NRG3: variants seen among roughly 807,000 people sequenced by gnomAD.
The protein encoded by NRG3 is pro-neuregulin-3, membrane-bound isoform.
In NRG3, 31 loss-of-function variants were observed where a neutral mutation model predicts 66.9. The observed-to-expected ratio is 0.46, with a 90% CI of 0.35 to 0.63. The LOEUF (loss-of-function observed/expected upper bound fraction) is 0.63, where lower values mean the gene tolerates loss of function less well. NRG3 is among the 20% of genes least tolerant of loss of function. The pLI, the probability that NRG3 is intolerant of heterozygous loss-of-function variation, is 0.00. For missense variants in NRG3, 910 were observed against 878.9 expected (o/e 1.04, Z -0.45); for synonymous variants, 393 against 359.4 (o/e 1.09, Z -1.06).
chr10:82,783,466 T>C (rs1314136424), intron 3 of NRG3, among the ~76,000 whole-genome samples: 4 of 151,732 alleles, frequency 2.6e-5, no homozygotes, highest in Non-Finnish European at 5.9e-5. Flanking sequence ...CCCCATTGTC[T>C]CAGCCCAAAA....
chr10:82,669,027 CT>C (rs2053032061), intron 2 of NRG3, among the ~76,000 whole-genome samples: 1 of 152,056 alleles, frequency 6.6e-6, no homozygotes. Context: ...TCTCCTCGTT[CT>C]TCTTTATTTT....
chr10:82,455,922 T>G (rs992500147), intron 2 of NRG3, among the ~76,000 whole-genome samples: 1 of 152,088 alleles, frequency 6.6e-6, no homozygotes, highest in East Asian at 1.9e-4. Flanking sequence ...CTGGCTAGAT[T>G]ACACTAAACT....
At chr10:82,304,462 TTC>T (rs2080593112) in intron 1 of NRG3, among the ~76,000 whole-genome samples, 1 of 152,204 alleles carries the variant, frequency 6.6e-6, no homozygotes, top group African/African-American at 2.4e-5. Context: ...ACTTGCAGGG[TTC>T]TTTTTCCACT....
intron 2 of NRG3, among the ~76,000 whole-genome samples, chr10:82,611,902 A>C (rs1418323943): frequency 2.0e-5 from 3 of 152,164 alleles, no homozygotes; most frequent in Non-Finnish European, 4.4e-5. Flanking sequence ...GAAAGCGTTC[A>C]TATTTCTCCA....
chr10:82,264,650 G>T (rs2078208052), intron 1 of NRG3, among the ~76,000 whole-genome samples: 1 of 152,186 alleles, frequency 6.6e-6, no homozygotes, highest in Non-Finnish European at 1.5e-5. Flanking sequence ...GGAAAAGGAA[G>T]ATTTAACAAT....
chr10:82,135,846 T>TA (rs1005131730), intron 1 of NRG3, among the ~76,000 whole-genome samples: 1 of 152,164 alleles, frequency 6.6e-6, no homozygotes, highest in African/African-American at 2.4e-5. Context: ...ACTGGTGCCT[T>TA]ATTTGGTTTG....
intron 2 of NRG3, among the ~76,000 whole-genome samples, chr10:82,443,519 TA>T (rs2090553789): frequency 6.6e-6 from 1 of 152,188 alleles, no homozygotes. Context: ...TCAATCCTTT[TA>T]CAACCATTTT....
chr10:82,182,154 G>C (rs1465633307), intron 1 of NRG3, among the ~76,000 whole-genome samples: 1 of 150,406 alleles, frequency 6.6e-6, no homozygotes, highest in Admixed American at 6.7e-5. Flanking sequence ...AATCTGTATA[G>C]TCTTTTGTAG....
At chr10:82,134,830 A>G (rs191413227) in intron 1 of NRG3, among the ~76,000 whole-genome samples, 5 of 152,198 alleles carry the variant, frequency 3.3e-5, no homozygotes, top group Admixed American at 6.5e-5. Context: ...TTAAATTTAT[A>G]TAAAAATTTC....
At chr10:82,078,323 T>G (rs7088269) in intron 1 of NRG3, among the ~76,000 whole-genome samples, 2 of 151,870 alleles carry the variant, frequency 1.3e-5, no homozygotes, top group Non-Finnish European at 2.9e-5. Flanking sequence ...CTCACTGCTC[T>G]TTGTGGAGAG....
At chr10:82,155,575 G>C (rs1054481791) in intron 1 of NRG3, among the ~76,000 whole-genome samples, 2 of 151,578 alleles carry the variant, frequency 1.3e-5, no homozygotes, top group African/African-American at 4.8e-5. Flanking sequence ...TAATAAAAAG[G>C]GTATGGCTTA....
chr10:82,976,802 A>G (rs1007012050), intron 7 of NRG3, among the ~76,000 whole-genome samples: 5 of 151,924 alleles, frequency 3.3e-5, no homozygotes, highest in Non-Finnish European at 7.4e-5. Context: ...CCTTCCTTAT[A>G]TCCCTTTTCT....
At position 81,875,277 on chromosome 10, in the gene NRG3, C is replaced by CCCGGT; in HGVS notation, c.-61_-60insGTCCG. 1 of 971,382 alleles carries CCCGGT rather than the reference C, an allele frequency of 1.0e-6. No individual in the cohort carries two copies. Among genetic ancestry groups the CCCGGT allele is most frequent in the Non-Finnish European group, 1.2e-6 (1 of 819,646 alleles). 60.2% of individuals were successfully genotyped at this position (971,382 alleles called of 1,614,324 possible). ...AGCCCGCGCCCGCGCCCGCGCCCGG[C>CCCGGT]CCGCGCGGCCCCATGCCTCTGCCGC... On this transcript the variant is annotated 5_prime_UTR_variant, in exon 1 of 9. An upstream open reading frame in the 5' UTR gains an earlier in-frame stop. Coordinates refer to ENST00000372141, the MANE Select transcript of NRG3 (RefSeq NM_001010848.4). This position sits in a 1 kb window ranked among gnomAD's most constrained non-coding sequence, Gnocchi z 5.3.
intron 3 of NRG3, among the ~76,000 whole-genome samples, chr10:82,775,426 C>T (rs1361419850): frequency 6.6e-6 from 1 of 151,482 alleles, no homozygotes; most frequent in Admixed American, 6.6e-5. Flanking sequence ...ACCAAGATTC[C>T]TTCTGTTATT....
At chr10:82,028,879 C>T (rs2062436328) in intron 1 of NRG3, among the ~76,000 whole-genome samples, 1 of 152,030 alleles carries the variant, frequency 6.6e-6, no homozygotes, top group Non-Finnish European at 1.5e-5. Flanking sequence ...TGAGAATCAG[C>T]ACGGTTTGGT....
intron 1 of NRG3, among the ~76,000 whole-genome samples, chr10:82,345,628 G>A (rs2082965828): frequency 6.6e-6 from 1 of 151,122 alleles, no homozygotes; most frequent in Non-Finnish European, 1.5e-5. Flanking sequence ...GATGGGGATG[G>A]CATTGAATCT....
At chr10:82,141,844 A>T (rs2069806719) in intron 1 of NRG3, among the ~76,000 whole-genome samples, 1 of 152,198 alleles carries the variant, frequency 6.6e-6, no homozygotes, top group African/African-American at 2.4e-5. Flanking sequence ...AGTTGCCAGT[A>T]CAGTGGGTGC....
At chr10:82,234,384 G>C (rs970029139) in intron 1 of NRG3, among the ~76,000 whole-genome samples, 1 of 152,132 alleles carries the variant, frequency 6.6e-6, no homozygotes, top group Non-Finnish European at 1.5e-5. Context: ...CAGTTTGTCT[G>C]TTTCCTTCAA....
At chr10:82,587,363 CATAA>C (rs1297679904) in intron 2 of NRG3, among the ~76,000 whole-genome samples, 13 of 151,988 alleles carry the variant, frequency 8.6e-5, no homozygotes, top group Non-Finnish European at 1.3e-4. Context: ...TGAAGTAATA[CATAA>C]ATATTTTTAA....
Sources: gnomAD v4.1 joint callset for allele counts (sites outside exome capture counted in the v4.1 genomes callset) on GRCh38, gnomAD v4.1.1 for gene constraint, Gnocchi (gnomAD v3.1) non-coding constraint, MANE v1.5 for transcripts, NCBI Gene and HGNC (gene_info 2026-07-23, HGNC 2026-07-21) for gene names.